The following PCDHGA8 variants were observed in gnomAD, a reference collection of about 807,000 sequenced individuals.
The protein encoded by PCDHGA8 is protocadherin gamma subfamily A, 8, also known as protocadherin gamma-A8.
In PCDHGA8, 45 loss-of-function variants were observed where a neutral mutation model predicts 59.2. The ratio of observed to expected loss-of-function variants is 0.76; its 90% CI spans 0.60 to 0.98. The LOEUF is 0.98. Ranked by LOEUF, PCDHGA8 falls within the 50% of genes least tolerant of loss-of-function variation. The pLI is 0.00. For missense variants in PCDHGA8, 1,257 were observed against 1,196.2 expected (o/e 1.05, Z -0.75); for synonymous variants, 531 against 519.0 (o/e 1.02, Z -0.32).
chr5:141,505,616 C>A, intron 3 of PCDHGA8, 135 bp downstream of exon 3: 1 of 1,503,160 alleles, frequency 6.7e-7, no homozygotes. Flanking sequence ...CTGAAAGGAC[C>A]CACAATTCCA....
intron 1 of PCDHGA8, chr5:141,398,702 C>G: frequency 6.2e-7 from 1 of 1,613,832 alleles, no homozygotes; most frequent in Non-Finnish European, 8.5e-7. Flanking sequence ...AGTAAATACC[C>G]GGAACTGGCA....
chr5:141,425,585 A>T (rs1270579511), intron 1 of PCDHGA8, among the ~76,000 whole-genome samples: 1 of 152,252 alleles, frequency 6.6e-6, no homozygotes, highest in Non-Finnish European at 1.5e-5. Context: ...GGCTAACTTT[A>T]TTCTGAATAT....
In PCDHGA8 at chr5:141,505,363, T is replaced by C. The variant is rs751635403; in HGVS notation, c.2484-30T>C. 1.6e-5 allele frequency: 26 copies of C among 1,613,242 alleles called. No individual in the cohort carries two copies. In the Middle Eastern group the frequency reaches 9.9e-4, roughly 61 times the overall value. On this transcript the variant is annotated intron_variant, in intron 2 of 3. Transcript: ENST00000398604. ...GGCATGAGCTGTGCCGGCCTGGGAG[T>C]CTGTGCTCACCATCCTACTCTCTCC... is the stretch of plus-strand genomic sequence containing the variant.
intron 1 of PCDHGA8, chr5:141,404,600 C>G (rs1406207982): frequency 6.2e-7 from 1 of 1,613,938 alleles, no homozygotes; most frequent in Non-Finnish European, 8.5e-7. Flanking sequence ...GTCATTGAGA[C>G]TGTTTGTTTT....
In PCDHGA8 at chr5:141,432,476, A is replaced by C; in HGVS notation, c.2424+37239A>C. 6.2e-7 allele frequency: 1 copy of C among 1,614,080 alleles called. No homozygotes were observed. The highest frequency in any genetic ancestry group is 8.5e-7 in the Non-Finnish European group (1 of 1,180,012). Reference sequence around the variant, plus strand: ...CCCCGCCCTCCCCACGGACGGTTCCACTGGCGTGGAGCTGGCTCCCCGCTC... The same window carrying C: ...CCCCGCCCTCCCCACGGACGGTTCCCCTGGCGTGGAGCTGGCTCCCCGCTC... On this transcript the variant is annotated intron_variant, in intron 1 of 3. Transcript: ENST00000398604. The surrounding 1 kb of genome is among the most constrained non-coding windows in gnomAD (Gnocchi z 6.0).
intron 1 of PCDHGA8, chr5:141,414,917 T>A: frequency 6.2e-7 from 1 of 1,614,148 alleles, no homozygotes; most frequent in Non-Finnish European, 8.5e-7. Context: ...GGCGTGGAGC[T>A]GGCGCCCCGC....
Position 141,489,087 on chromosome 5 carries a change from T to TCAAA in PCDHGA8, c.2425-5720_2425-5719insCAAA. 4.6e-6 allele frequency: 1 copy of TCAAA among 216,106 alleles called. No individual in the cohort carries two copies. The highest frequency in any genetic ancestry group is 8.4e-6 in the Non-Finnish European group (1 of 118,736). The allele number at this position is 216,106 out of a possible 1,614,324, so 13.4% of individuals were successfully genotyped here. On this transcript the variant is annotated intron_variant, in intron 1 of 3. Coordinates refer to ENST00000398604, the MANE Select transcript of PCDHGA8 (RefSeq NM_032088.2). This position sits in a 1 kb window ranked among gnomAD's most constrained non-coding sequence, Gnocchi z 4.5. The stretch of plus-strand genomic sequence containing the variant: ...CCCCCTGCCCACCCCCGCCACTCGG[T>TCAAA]GACTAAGAACTGCTGCAAGCAGGCA...
At chr5:141,420,457 T>A in intron 1 of PCDHGA8, 1 of 927,890 alleles carries the variant, frequency 1.1e-6, no homozygotes. Flanking sequence ...TTCCTACTAT[T>A]CAAAGACATT....
At chr5:141,427,970 C>G in intron 1 of PCDHGA8, 1 of 1,592,510 alleles carries the variant, frequency 6.3e-7, no homozygotes. Context: ...GGGTGCTGTA[C>G]CCCGCGCTGG....
chr5:141,404,002 A>T, intron 1 of PCDHGA8: 1 of 1,613,928 alleles, frequency 6.2e-7, no homozygotes, highest in Non-Finnish European at 8.5e-7. Flanking sequence ...TGACCATTAC[A>T]TCTCTGTTTA....
intron 1 of PCDHGA8, chr5:141,409,493 CCT>C (rs1312265786): frequency 6.2e-6 from 10 of 1,614,012 alleles, no homozygotes; most frequent in Non-Finnish European, 7.6e-6. Context: ...GGGCAAGCCG[CCT>C]CTTTCTTCCA....
chr5:141,400,345 A>C lies in PCDHGA8; in HGVS notation c.2424+5108A>C, dbSNP rs757500171. On this transcript the variant is annotated intron_variant, in intron 1 of 3. Transcript: ENST00000398604. ...TGGACCTGTGGTTCCCCCCAACTACAGTCAGGGGACTTTGCCTTATTCCTA... is the reference window on the plus strand; with the variant it reads ...TGGACCTGTGGTTCCCCCCAACTACCGTCAGGGGACTTTGCCTTATTCCTA... 1.9e-6 allele frequency: 3 copies of C among 1,614,040 alleles called. No homozygotes were observed. In the South Asian group the frequency reaches 3.3e-5, roughly 18 times the overall value.
In PCDHGA8 at chr5:141,485,822, G is replaced by A. The variant is rs750883983; in HGVS notation, c.2425-8985G>A. 6.2e-7 allele frequency: 1 copy of A among 1,614,192 alleles called. No individual in the cohort carries two copies. The highest frequency in any genetic ancestry group is 1.1e-5 in the South Asian group (1 of 91,080). ...CCGCCTGGTGCTGACTGCTGTCGAT[G>A]GAGGGAACCCGCCGAGATCTGGCAC... On this transcript the variant is annotated intron_variant, in intron 1 of 3. Transcript: ENST00000398604. This position sits in a 1 kb window ranked among gnomAD's most constrained non-coding sequence, Gnocchi z 5.7.
rs1188941232 is a variant in PCDHGA8, at chr5:141,512,270, G to A, written c.*1097G>A. ...TCTGTGGGTGCTGGGTACTCCAGAG[G>A]TGCCACTGGTGGAAGGGTCAGCGGA... On this transcript the variant is annotated 3_prime_UTR_variant, in exon 4 of 4. Coordinates refer to ENST00000398604, the MANE Select transcript of PCDHGA8 (RefSeq NM_032088.2). The A allele has an allele frequency of 1.3e-5, 2 of 152,714 alleles. No individual in the cohort carries two copies. The highest frequency in any genetic ancestry group is 2.9e-5 in the Non-Finnish European group (2 of 68,100). The allele number at this position is 152,714 out of a possible 1,614,324, so 9.5% of individuals were successfully genotyped here.
In PCDHGA8 at chr5:141,490,506, C is replaced by T. The variant is rs967095367; in HGVS notation, c.2425-4301C>T. ...GGGAGGCCACATCCCACTATATCAT[C>T]GAGCTGCTGGCCAGCGATGCTGGTT... is the stretch of plus-strand genomic sequence containing the variant. On this transcript the variant is annotated intron_variant, in intron 1 of 3. Transcript: ENST00000398604. This position sits in a 1 kb window ranked among gnomAD's most constrained non-coding sequence, Gnocchi z 5.4. The T allele has an allele frequency of 1.2e-5, 19 of 1,614,116 alleles. No homozygotes were observed. The highest frequency in any genetic ancestry group is 2.2e-5 in the South Asian group (2 of 91,088).
At chr5:141,438,621 TATATATATATATATACAC>T (rs1369797568) in intron 1 of PCDHGA8, among the ~76,000 whole-genome samples, 6 of 41,386 alleles carry the variant, frequency 1.4e-4, no homozygotes, top group South Asian at 9.0e-4. Context: ...TATATATATA[TATATATATATATATACAC>T]ACACACACAC....
chr5:141,406,707 T>C (rs1201619018), intron 1 of PCDHGA8, among the ~76,000 whole-genome samples: 1 of 152,228 alleles, frequency 6.6e-6, no homozygotes, highest in Non-Finnish European at 1.5e-5. Flanking sequence ...AGTATATGCT[T>C]GCTCAAGAGA....
chr5:141,511,351 C>T lies in PCDHGA8; in HGVS notation c.*178C>T. The T allele has an allele frequency of 3.6e-6, 5 of 1,386,550 alleles. No individual in the cohort carries two copies. Among genetic ancestry groups the T allele is most frequent in the South Asian group, 1.5e-5 (1 of 67,154 alleles). The allele number at this position is 1,386,550 out of a possible 1,614,324, so 85.9% of individuals were successfully genotyped here. On this transcript the variant is annotated 3_prime_UTR_variant, in exon 4 of 4. Transcript: ENST00000398604. ...CCAGTCAGCACCTACCCCTTCCCCC[C>T]CAGGGGGTTGAATATGCAAAAGCAG...
In PCDHGA8 at chr5:141,485,042, C is replaced by T; in HGVS notation, c.2425-9765C>T. ...CAGCAAAAACGGCGCGTAACCCTTGCGGCGCCGGCCGAACCGCGCCAGAGC... is the reference window on the plus strand; with the variant it reads ...CAGCAAAAACGGCGCGTAACCCTTGTGGCGCCGGCCGAACCGCGCCAGAGC... On this transcript the variant is annotated intron_variant, in intron 1 of 3. Coordinates refer to ENST00000398604, the MANE Select transcript of PCDHGA8 (RefSeq NM_032088.2). This position sits in a 1 kb window ranked among gnomAD's most constrained non-coding sequence, Gnocchi z 5.7. 1 of 724,054 alleles carries T rather than the reference C, an allele frequency of 1.4e-6. No individual in the cohort carries two copies. Among genetic ancestry groups the T allele is most frequent in the South Asian group, 1.8e-5 (1 of 56,650 alleles). 44.9% of individuals were successfully genotyped at this position (724,054 alleles called of 1,614,324 possible). A position where few individuals can be genotyped will look rare whatever the true frequency, so the allele number is the denominator to read the frequency against.
Sources: gnomAD v4.1 joint callset for allele counts (sites outside exome capture counted in the v4.1 genomes callset) on GRCh38, gnomAD v4.1.1 for gene constraint, Gnocchi (gnomAD v3.1) non-coding constraint, MANE v1.5 for transcripts, NCBI Gene and HGNC (gene_info 2026-07-23, HGNC 2026-07-21) for gene names.